Variants in HS6ST3 observed in about 807,000 individuals in gnomAD.
HS6ST3 encodes the protein heparan-sulfate 6-O-sulfotransferase 3.
Under a neutral mutation model 36.7 loss-of-function variants are expected in HS6ST3, and 12 were observed. The observed-to-expected ratio is 0.33, with a 90% CI of 0.21 to 0.53. The LOEUF (loss-of-function observed/expected upper bound fraction) is 0.53. HS6ST3 is among the 20% of genes least tolerant of loss of function. HS6ST3 has a pLI of 0.95. For missense variants in HS6ST3, 584 were observed against 640.9 expected (o/e 0.91, Z 0.96); for synonymous variants, 240 against 257.5 (o/e 0.93, Z 0.65).
intron 1 of HS6ST3, among the ~76,000 whole-genome samples, chr13:96,212,469 T>A (rs1039953112): frequency 8.5e-5 from 13 of 152,248 alleles, no homozygotes; most frequent in Admixed American, 5.9e-4. Context: ...TGCTTGTAGA[T>A]CTTGCATGTA....
chr13:96,628,410 A>G (rs1321595577), intron 1 of HS6ST3, among the ~76,000 whole-genome samples: 1 of 151,908 alleles, frequency 6.6e-6, no homozygotes, highest in Admixed American at 6.5e-5. Context: ...ATTGAGACTT[A>G]TTTTATGGCC....
chr13:96,720,663 A>G (rs1195551443), intron 1 of HS6ST3, among the ~76,000 whole-genome samples: 2 of 152,168 alleles, frequency 1.3e-5, no homozygotes, highest in Admixed American at 1.3e-4. Flanking sequence ...TTTTATCCTC[A>G]TCTCAAAATA....
At chr13:96,360,170 C>T (rs1036361861) in intron 1 of HS6ST3, among the ~76,000 whole-genome samples, 1 of 152,014 alleles carries the variant, frequency 6.6e-6, no homozygotes, top group African/African-American at 2.4e-5. Flanking sequence ...GGGGTGCTGG[C>T]ACAATCCAAC....
intron 1 of HS6ST3, among the ~76,000 whole-genome samples, chr13:96,660,056 T>C (rs1566423500): frequency 1.3e-5 from 2 of 152,140 alleles, no homozygotes; most frequent in Non-Finnish European, 2.9e-5. Flanking sequence ...AATTTGTTTT[T>C]TTATTAAGTA....
chr13:96,510,701 T>TA (rs137913684), intron 1 of HS6ST3, among the ~76,000 whole-genome samples: 2,014 of 152,210 alleles, frequency 0.013, 44 homozygotes, highest in African/African-American at 0.045. Flanking sequence ...ATCCCTCTTT[T>TA]AAAAAAATTA....
chr13:96,215,361 A>T (rs1249625862), intron 1 of HS6ST3, among the ~76,000 whole-genome samples: 2 of 152,208 alleles, frequency 1.3e-5, no homozygotes, highest in African/African-American at 4.8e-5. Flanking sequence ...AGAGAAAATC[A>T]TTGGTCATTC....
At chr13:96,578,416 A>C (rs556117442) in intron 1 of HS6ST3, among the ~76,000 whole-genome samples, 1 of 152,218 alleles carries the variant, frequency 6.6e-6, no homozygotes, top group East Asian at 1.9e-4. Flanking sequence ...CCTTCCACAC[A>C]CTTGACGAAG....
intron 1 of HS6ST3, among the ~76,000 whole-genome samples, chr13:96,122,125 T>TTATTATTATTAC (rs1172795963): frequency 1.3e-5 from 2 of 148,306 alleles, no homozygotes; most frequent in African/African-American, 4.9e-5. Flanking sequence ...ATTATTATTA[T>TTATTATTATTAC]TATTATTATT....
intron 1 of HS6ST3, among the ~76,000 whole-genome samples, chr13:96,802,268 C>G (rs1193902567): frequency 6.6e-6 from 1 of 152,086 alleles, no homozygotes; most frequent in Admixed American, 6.5e-5. Flanking sequence ...AGAAGAAAAT[C>G]AGGGCTGGGT....
At chr13:96,630,827 A>C (rs1463691716) in intron 1 of HS6ST3, among the ~76,000 whole-genome samples, 1 of 152,032 alleles carries the variant, frequency 6.6e-6, no homozygotes, top group Non-Finnish European at 1.5e-5. Flanking sequence ...AAATTATTAC[A>C]GTTTTTCTTT....
chr13:96,271,908 C>T (rs1486073443), intron 1 of HS6ST3, among the ~76,000 whole-genome samples: 1 of 151,954 alleles, frequency 6.6e-6, no homozygotes, highest in African/African-American at 2.4e-5. Context: ...TTCCTAGAAT[C>T]TTTACAAGGG....
intron 1 of HS6ST3, among the ~76,000 whole-genome samples, chr13:96,305,548 C>T (rs1343005647): frequency 6.6e-6 from 1 of 152,072 alleles, no homozygotes; most frequent in Non-Finnish European, 1.5e-5. Context: ...TAGAATTTCT[C>T]TGTATGAAAA....
chr13:96,626,850 A>G (rs2056514370), intron 1 of HS6ST3, among the ~76,000 whole-genome samples: 1 of 152,082 alleles, frequency 6.6e-6, no homozygotes, highest in South Asian at 2.1e-4. Context: ...TTAAAAAAAT[A>G]CATATTGTTA....
intron 1 of HS6ST3, among the ~76,000 whole-genome samples, chr13:96,542,509 G>T (rs2056182299): frequency 6.6e-6 from 1 of 152,064 alleles, no homozygotes; most frequent in Admixed American, 6.5e-5. Context: ...CACCTTTTCT[G>T]GCATATTTGG....
chr13:96,648,493 T>TA (rs1555316451), intron 1 of HS6ST3, among the ~76,000 whole-genome samples: 3 of 151,876 alleles, frequency 2.0e-5, no homozygotes, highest in African/African-American at 7.3e-5. Flanking sequence ...CTTTTTTTTT[T>TA]TTTTATTTTA....
chr13:96,413,351 A>G (rs771856038), intron 1 of HS6ST3, among the ~76,000 whole-genome samples: 6 of 152,230 alleles, frequency 3.9e-5, no homozygotes, highest in Non-Finnish European at 8.8e-5. Context: ...ATAAAACTGA[A>G]CAGACTAAAG....
chr13:96,464,470 A>G (rs1566368511), intron 1 of HS6ST3, among the ~76,000 whole-genome samples: 1 of 152,090 alleles, frequency 6.6e-6, no homozygotes, highest in Non-Finnish European at 1.5e-5. Flanking sequence ...CAGTAATACC[A>G]TGACTTAAAA....
chr13:96,233,430 C>T (rs1042757541), intron 1 of HS6ST3, among the ~76,000 whole-genome samples: 2 of 151,992 alleles, frequency 1.3e-5, no homozygotes, highest in African/African-American at 2.4e-5. Context: ...GTGGAAAATG[C>T]GGTTTTGAAC....
intron 1 of HS6ST3, among the ~76,000 whole-genome samples, chr13:96,663,123 G>T (rs1399388953): frequency 1.3e-5 from 2 of 152,104 alleles, no homozygotes; most frequent in African/African-American, 2.4e-5. Context: ...CCTGACAGGG[G>T]TGGCTGGGGG....
Sources: allele counts gnomAD v4.1 joint callset (sites outside exome capture counted in the v4.1 genomes callset), GRCh38; gene constraint gnomAD v4.1.1; transcripts MANE v1.5; gene names NCBI Gene and HGNC (gene_info 2026-07-23, HGNC 2026-07-21).